The following MEI4 variants were observed in gnomAD, a reference collection of about 807,000 sequenced individuals.
MEI4 encodes meiosis-specific protein MEI4.
In MEI4, 27 loss-of-function variants were observed where a neutral mutation model predicts 31.4. The observed-to-expected ratio is 0.86, with a 90% confidence interval of 0.63 to 1.19. MEI4 has a LOEUF of 1.19. Among genes scored for constraint, MEI4 ranks in the 50% most tolerant of loss-of-function variants. The pLI, the probability that MEI4 is intolerant of heterozygous loss-of-function variation, is 0.00. For missense variants in MEI4, 329 were observed against 398.9 expected (o/e 0.82, Z 1.49); for synonymous variants, 122 against 145.4 (o/e 0.84, Z 1.16).
intron 2 of MEI4, among the ~76,000 whole-genome samples, chr6:77,748,592 G>T (rs1422297405): frequency 2.0e-5 from 3 of 152,192 alleles, no homozygotes; most frequent in Non-Finnish European, 2.9e-5. Context: ...CTGCATTAAA[G>T]GTCTCTGACA....
chr6:77,763,358 C>A (rs1406111275), intron 3 of MEI4, among the ~76,000 whole-genome samples: 1 of 152,064 alleles, frequency 6.6e-6, no homozygotes, highest in Non-Finnish European at 1.5e-5. Context: ...GCTCTGAGCC[C>A]AGCACAGCAC....
At position 77,900,827 on chromosome 6, in the gene MEI4, G is replaced by C. The variant is rs1204639421; in HGVS notation, c.901-22262G>C. On this transcript the variant is annotated intron_variant, in intron 4 of 4. Transcript: ENST00000684080. ...AACAGGTGTCTTGAACTTATTCCTT[G>C]TATCTAACAGAAATTTTGTGTCCGT... is the stretch of plus-strand genomic sequence containing the variant. Among the ~76,000 whole-genome samples, 3 of 151,888 alleles carry C rather than the reference G, an allele frequency of 2.0e-5. No homozygotes were observed. In the East Asian group the frequency reaches 5.8e-4, roughly 29 times the overall value.
At chr6:77,783,048 T>A (rs996692491) in intron 3 of MEI4, among the ~76,000 whole-genome samples, 4 of 152,170 alleles carry the variant, frequency 2.6e-5, no homozygotes, top group African/African-American at 9.6e-5. Context: ...TTGTTTAACC[T>A]TCTGCATGCT....
intron 3 of MEI4, among the ~76,000 whole-genome samples, chr6:77,791,735 A>T (rs952842776): frequency 6.6e-6 from 1 of 152,134 alleles, no homozygotes; most frequent in African/African-American, 2.4e-5. Context: ...AAGCTAACTG[A>T]CAGTGTTATT....
intron 2 of MEI4, among the ~76,000 whole-genome samples, chr6:77,709,813 G>T (rs901525082): frequency 6.6e-6 from 1 of 152,124 alleles, no homozygotes. Context: ...TAATAACTGT[G>T]CTTTTAATAA....
chr6:77,738,542 G>T (rs1282653262), intron 2 of MEI4, among the ~76,000 whole-genome samples: 1 of 152,118 alleles, frequency 6.6e-6, no homozygotes, highest in Non-Finnish European at 1.5e-5. Context: ...AAATAGTGCT[G>T]CAATAAACAT....
intron 3 of MEI4, among the ~76,000 whole-genome samples, chr6:77,766,819 A>C (rs371908887): frequency 2.6e-5 from 4 of 152,214 alleles, no homozygotes; most frequent in African/African-American, 9.6e-5. Flanking sequence ...GACCAGTAAA[A>C]TATGTTGACT....
chr6:77,920,446 A>G (rs947674975), intron 4 of MEI4, among the ~76,000 whole-genome samples: 7 of 151,906 alleles, frequency 4.6e-5, no homozygotes, highest in Admixed American at 1.3e-4. Context: ...TCCACTTGCT[A>G]TTTTCACCGC....
At chr6:77,663,803 CA>C (rs1489527288) in intron 1 of MEI4, among the ~76,000 whole-genome samples, 2 of 152,186 alleles carry the variant, frequency 1.3e-5, no homozygotes, top group South Asian at 2.1e-4. Flanking sequence ...CCGAGGCGAT[CA>C]GGCAGTGTCA....
intron 3 of MEI4, among the ~76,000 whole-genome samples, chr6:77,798,775 G>C (rs1769159423): frequency 1.3e-5 from 2 of 151,692 alleles, no homozygotes; most frequent in Admixed American, 6.6e-5. Context: ...AGTTTACTGA[G>C]AATGATGACT....
chr6:77,773,550 T>C (rs1442573361), intron 3 of MEI4, among the ~76,000 whole-genome samples: 1 of 151,922 alleles, frequency 6.6e-6, no homozygotes, highest in South Asian at 2.1e-4. Flanking sequence ...GGATTAAAAA[T>C]TAAAATCTCA....
At chr6:77,789,254 T>G (rs1768843485) in intron 3 of MEI4, among the ~76,000 whole-genome samples, 1 of 152,118 alleles carries the variant, frequency 6.6e-6, no homozygotes, top group African/African-American at 2.4e-5. Context: ...AAAAATCAAT[T>G]CAAGATGGAT....
intron 4 of MEI4, among the ~76,000 whole-genome samples, chr6:77,865,415 G>T (rs1770997611): frequency 6.6e-6 from 1 of 152,188 alleles, no homozygotes; most frequent in Non-Finnish European, 1.5e-5. Context: ...CAATCCCACA[G>T]AAATTCAAAC....
intron 4 of MEI4, among the ~76,000 whole-genome samples, chr6:77,918,838 T>C (rs1766630479): frequency 6.6e-6 from 1 of 152,048 alleles, no homozygotes; most frequent in African/African-American, 2.4e-5. Flanking sequence ...GGCATCCCTG[T>C]CTTGTGCCAG....
intron 4 of MEI4, among the ~76,000 whole-genome samples, chr6:77,914,562 G>C (rs919907906): frequency 2.0e-5 from 3 of 152,036 alleles, no homozygotes; most frequent in Non-Finnish European, 4.4e-5. Flanking sequence ...ATTCATGGAA[G>C]AAATGTTCTG....
chr6:77,700,205 G>T (rs113014990), intron 2 of MEI4, among the ~76,000 whole-genome samples: 1 of 152,170 alleles, frequency 6.6e-6, no homozygotes, highest in African/African-American at 2.4e-5. Flanking sequence ...GGAGCCTACC[G>T]GGGCAGGCAG....
intron 1 of MEI4, among the ~76,000 whole-genome samples, chr6:77,687,485 C>T (rs1304154769): frequency 6.6e-6 from 1 of 152,050 alleles, no homozygotes; most frequent in Non-Finnish European, 1.5e-5. Flanking sequence ...TCAATTCTGA[C>T]ACTAACTACC....
At chr6:77,662,372 T>C (rs532076509) in intron 1 of MEI4, among the ~76,000 whole-genome samples, 1 of 152,054 alleles carries the variant, frequency 6.6e-6, no homozygotes, top group East Asian at 1.9e-4. Flanking sequence ...GAACGTCAGG[T>C]GGATCAGAGA....
In MEI4 at chr6:77,690,645, T is replaced by C. The variant is rs560009903; in HGVS notation, c.-14-13T>C. ...AAAAGAATTTCTATAACTTTTTTCT[T>C]ATTAAATGATAGGGACAAAAGCCAG... On this transcript the variant is annotated splice_polypyrimidine_tract_variant and intron_variant, in intron 1 of 4. Transcript: ENST00000684080. 1.7e-6 allele frequency: 2 copies of C among 1,172,002 alleles called. No homozygotes were observed. Among genetic ancestry groups the C allele is most frequent in the Non-Finnish European group, 2.1e-6 (2 of 933,428 alleles). The allele number at this position is 1,172,002 out of a possible 1,614,324, so 72.6% of individuals were successfully genotyped here. A position where few individuals can be genotyped will look rare whatever the true frequency, so the allele number is the denominator to read the frequency against.
Sources: allele counts gnomAD v4.1 joint callset (sites outside exome capture counted in the v4.1 genomes callset), GRCh38; gene constraint gnomAD v4.1.1; transcripts MANE v1.5; gene names NCBI Gene and HGNC (gene_info 2026-07-23, HGNC 2026-07-21).